Variants in DNAI1 observed in about 807,000 individuals in gnomAD.
DNAI1 encodes the protein dynein axonemal intermediate chain 1, also known as dynein, axonemal, intermediate polypeptide 1.
In DNAI1, 67 loss-of-function variants were observed where a neutral mutation model predicts 92.0. The ratio of observed to expected loss-of-function variants is 0.73; its 90% CI spans 0.60 to 0.89. DNAI1 has a LOEUF of 0.89. Ranked by LOEUF, DNAI1 falls within the 40% of genes least tolerant of loss-of-function variation. The pLI is 0.00. For missense variants in DNAI1, 839 were observed against 866.6 expected, an observed-to-expected ratio of 0.97 and a Z score of 0.40; for synonymous variants, 323 against 319.6, an observed-to-expected ratio of 1.01 and a Z score of -0.11.
At chr9:34,471,942 T>G (rs1024314007) in intron 1 of DNAI1, among the ~76,000 whole-genome samples, 13 of 152,194 alleles carry the variant, frequency 8.5e-5, no homozygotes, top group Non-Finnish European at 1.8e-4. Flanking sequence ...TCTAGTAAAC[T>G]GAAAGATGCT....
In DNAI1 at chr9:34,458,856, G is replaced by T; in HGVS notation, c.-150G>T. The stretch of plus-strand genomic sequence containing the variant: ...TTGGATTCTATCCTGCAAGGGCACG[G>T]GGACCCACAACGACGGCTGTCCCTA... On this transcript the variant is annotated 5_prime_UTR_variant, in exon 1 of 20. Transcript: ENST00000242317. This position sits in a 1 kb window ranked among gnomAD's most constrained non-coding sequence, Gnocchi z 6.6. The T allele has an allele frequency of 1.4e-6, 1 of 733,028 alleles. No homozygotes were observed. Among genetic ancestry groups the T allele is most frequent in the Non-Finnish European group, 2.5e-6 (1 of 402,016 alleles). The allele number at this position is 733,028 out of a possible 1,614,324, so 45.4% of individuals were successfully genotyped here.
intron 19 of DNAI1, among the ~76,000 whole-genome samples, chr9:34,517,778 G>A (rs1340074199): frequency 6.6e-6 from 1 of 152,252 alleles, no homozygotes; most frequent in Non-Finnish European, 1.5e-5. Context: ...CAGTGGAAAT[G>A]CTGTGGGTAG....
intron 2 of DNAI1, among the ~76,000 whole-genome samples, chr9:34,483,873 G>A (rs1824421978): frequency 1.3e-5 from 2 of 152,052 alleles, no homozygotes; most frequent in South Asian, 4.2e-4. Context: ...TGTTCCTTAA[G>A]ACTGTACCAT....
chr9:34,483,577 C>A, intron 2 of DNAI1, 97 bp downstream of exon 2: 1 of 1,227,730 alleles, frequency 8.1e-7, no homozygotes, highest in Non-Finnish European at 1.2e-6. Flanking sequence ...TGCAAATGAA[C>A]TAAAAGAAGA....
intron 1 of DNAI1, chr9:34,478,821 A>G (rs1407107921): frequency 6.6e-6 from 1 of 152,180 alleles, no homozygotes; most frequent in African/African-American, 2.4e-5. Flanking sequence ...GCTGCCTCCT[A>G]TGTGTACTGC....
intron 8 of DNAI1, among the ~76,000 whole-genome samples, chr9:34,492,409 A>G (rs1824619510): frequency 6.9e-6 from 1 of 144,468 alleles, no homozygotes; most frequent in African/African-American, 2.6e-5. Flanking sequence ...TCTCCTTTTA[A>G]TGCTGAGATG....
intron 7 of DNAI1, among the ~76,000 whole-genome samples, chr9:34,490,848 T>C (rs1169009608): frequency 6.6e-6 from 1 of 152,198 alleles, no homozygotes; most frequent in African/African-American, 2.4e-5. Flanking sequence ...TGATGATCTC[T>C]GTGATAGACC....
chr9:34,485,106 AGACACT>A, intron 2 of DNAI1, 30 bp from the exon 3 acceptor site: 1 of 1,609,092 alleles, frequency 6.2e-7, no homozygotes, highest in East Asian at 2.2e-5. Flanking sequence ...CAAGCAGAAA[AGACACT>A]CCCAAGCCTC....
At chr9:34,497,250 C>A in intron 10 of DNAI1, 51 bp downstream of exon 10, 3 of 1,472,914 alleles carry the variant, frequency 2.0e-6, no homozygotes, top group Non-Finnish European at 2.9e-6. Context: ...TTAAAAATTT[C>A]TCATAAAAGC....
At position 34,514,645 on chromosome 9, in the gene DNAI1, C is replaced by T. The variant is rs921726236; in HGVS notation, c.1724C>T (p.Pro575Leu). The T allele has an allele frequency of 3.7e-6, 6 of 1,614,168 alleles. No individual in the cohort carries two copies. The Admixed American group carries it at 6.7e-5, about 18-fold the overall frequency. Residue 575 changes from proline (P) to leucine (L), a missense_variant, in exon 18 of 20, where the codon CCG (proline) becomes CTG (leucine). Coordinates refer to ENST00000242317, the MANE Select transcript of DNAI1 (RefSeq NM_012144.4). ...TCCACCCTCCACCTCTGCAGGACCC[C>T]GATGTTCATCTATGACCTGAACTCA... is the stretch of plus-strand genomic sequence containing the variant. Reference protein sequence around the residue: ...VKIWDHTIKTPMFIYDLNSAV... With the variant: ...VKIWDHTIKTLMFIYDLNSAV...
chr9:34,506,172 G>A (rs2132076295), intron 12 of DNAI1, among the ~76,000 whole-genome samples: 1 of 152,306 alleles, frequency 6.6e-6, no homozygotes, highest in South Asian at 2.1e-4. Context: ...GGGACTCACT[G>A]TAGACAATTC....
At chr9:34,513,558 A>T (rs1291530853) in intron 16 of DNAI1, among the ~76,000 whole-genome samples, 1 of 152,164 alleles carries the variant, frequency 6.6e-6, no homozygotes, top group Non-Finnish European at 1.5e-5. Context: ...TTATCTCTGA[A>T]TACTGGGTAC....
Position 34,506,701 on chromosome 9 carries a change from T to C in DNAI1, c.1138T>C (p.Phe380Leu), listed in dbSNP as rs1204878337. Residue 380 changes from phenylalanine to leucine, a missense_variant, in exon 13 of 20, where the codon TTC (phenylalanine) becomes CTC (leucine). By Grantham distance (22) the Phe-to-Leu change is conservative (BLOSUM62 0). Coordinates refer to ENST00000242317, the MANE Select transcript of DNAI1 (RefSeq NM_012144.4). ...LKNPSFPEYM[F>L]SSNSGVMCLD... is the part of the protein sequence containing the mutation. ...GAACCCCAGCTTCCCTGAGTACATGTTCAGCAGCAACAGCGGCGTCATGTG... is the reference window on the plus strand; with the variant it reads ...GAACCCCAGCTTCCCTGAGTACATGCTCAGCAGCAACAGCGGCGTCATGTG... 1 of 1,614,176 alleles carries C rather than the reference T, an allele frequency of 6.2e-7. No individual in the cohort carries two copies. Among genetic ancestry groups the C allele is most frequent in the Non-Finnish European group, 8.5e-7 (1 of 1,180,034 alleles).
At chr9:34,512,525 C>G in intron 15 of DNAI1, 101 bp downstream of exon 15, 15 of 1,150,512 alleles carry the variant, frequency 1.3e-5, no homozygotes, top group Non-Finnish European at 1.8e-5. Context: ...GCTCCCTCCC[C>G]AACCTGTGCC....
At chr9:34,482,984 A>G (rs1587065451) in intron 1 of DNAI1, among the ~76,000 whole-genome samples, 1 of 151,914 alleles carries the variant, frequency 6.6e-6, no homozygotes, top group South Asian at 2.1e-4. Context: ...GACTCAGTAC[A>G]CCCTCCGCAG....
At chr9:34,472,013 TC>T (rs199619605) in intron 1 of DNAI1, among the ~76,000 whole-genome samples, 1,642 of 152,322 alleles carry the variant, frequency 0.011, 40 homozygotes, top group African/African-American at 0.037. Flanking sequence ...ATGCACAGGC[TC>T]CTTTCTAATA....
chr9:34,518,554 C>T (rs1825212896), intron 19 of DNAI1, among the ~76,000 whole-genome samples: 4 of 152,180 alleles, frequency 2.6e-5, no homozygotes, highest in African/African-American at 4.8e-5. Flanking sequence ...GGGAGTCGGG[C>T]GTGGTCTGAA....
At chr9:34,470,566 A>G (rs1199299817) in intron 1 of DNAI1, among the ~76,000 whole-genome samples, 5 of 152,244 alleles carry the variant, frequency 3.3e-5, no homozygotes, top group African/African-American at 1.2e-4. Context: ...ATAAAATCAC[A>G]AAGTGTATGC....
At chr9:34,519,904 G>A (rs1294649834) in intron 19 of DNAI1, among the ~76,000 whole-genome samples, 1 of 152,214 alleles carries the variant, frequency 6.6e-6, no homozygotes. Flanking sequence ...ACTGGTGCTG[G>A]TCTGCCAAGG....
Sources: allele counts gnomAD v4.1 joint callset (sites outside exome capture counted in the v4.1 genomes callset), GRCh38; gene constraint gnomAD v4.1.1; non-coding constraint Gnocchi (gnomAD v3.1); transcripts MANE v1.5; gene names NCBI Gene and HGNC (gene_info 2026-07-23, HGNC 2026-07-21).